The following RPS6KC1 variants were observed in gnomAD, a reference collection of about 807,000 sequenced individuals.
RPS6KC1 encodes the protein ribosomal protein S6 kinase C1, also known as inactive ribosomal protein S6 kinase delta-1.
RPS6KC1 carries 54 observed loss-of-function variants against 103.8 expected under a neutral mutation model. That is an observed-to-expected ratio of 0.52 (90% CI 0.42 to 0.65). The LOEUF is 0.65. Ranked by LOEUF, RPS6KC1 falls within the 30% of genes least tolerant of loss-of-function variation. The pLI, the probability that RPS6KC1 is intolerant of heterozygous loss-of-function variation, is 0.00. For synonymous variants in RPS6KC1, 439 were observed against 438.7 expected (o/e 1.00, Z -0.01); for missense variants, 1,151 against 1,253.8 (o/e 0.92, Z 1.24).
chr1:213,227,740 C>T (rs757491147), intron 8 of RPS6KC1, among the ~76,000 whole-genome samples: 37 of 152,204 alleles, frequency 2.4e-4, no homozygotes, highest in Non-Finnish European at 4.3e-4. Flanking sequence ...GGGCCTTTGC[C>T]ACCTGAGAGC....
chr1:213,781,315 G>T, the RPS6KC1 span, among the ~76,000 whole-genome samples: 1 of 151,912 alleles, frequency 6.6e-6, no homozygotes, highest in African/African-American at 2.4e-5. Context: ...GCCTTCAGAG[G>T]GAGCTCATTT....
At chr1:213,626,148 T>C in the RPS6KC1 span, among the ~76,000 whole-genome samples, 1 of 152,224 alleles carries the variant, frequency 6.6e-6, no homozygotes, top group South Asian at 2.1e-4. Context: ...GGTATCTCAT[T>C]GTGTTTTTGA....
the RPS6KC1 span, among the ~76,000 whole-genome samples, chr1:213,389,943 C>A: frequency 6.6e-6 from 1 of 152,106 alleles, no homozygotes; most frequent in South Asian, 2.1e-4. Context: ...ATGGATGAGG[C>A]ATGGTGGAAA....
At chr1:213,450,521 C>T in the RPS6KC1 span, among the ~76,000 whole-genome samples, 1 of 152,084 alleles carries the variant, frequency 6.6e-6, no homozygotes, top group African/African-American at 2.4e-5. Context: ...GCTTGTCCTC[C>T]TCCTCTCTCC....
chr1:213,210,112 C>G (rs1418130054), intron 8 of RPS6KC1, among the ~76,000 whole-genome samples: 1 of 152,128 alleles, frequency 6.6e-6, no homozygotes, highest in African/African-American at 2.4e-5. Context: ...TTGTACCAAC[C>G]TCCTATCTCA....
chr1:213,180,766 C>T (rs913302432), intron 8 of RPS6KC1, among the ~76,000 whole-genome samples: 5 of 151,626 alleles, frequency 3.3e-5, no homozygotes, highest in Non-Finnish European at 5.9e-5. Flanking sequence ...TTGTGTGGTA[C>T]GAATATACGG....
intron 4 of RPS6KC1, among the ~76,000 whole-genome samples, chr1:213,116,334 T>A (rs1290568941): frequency 6.8e-6 from 1 of 146,372 alleles, no homozygotes; most frequent in Non-Finnish European, 1.5e-5. Flanking sequence ...TTTTGGTCTT[T>A]GTTGGTTTAA....
At chr1:213,392,341 C>T in the RPS6KC1 span, among the ~76,000 whole-genome samples, 1 of 152,120 alleles carries the variant, frequency 6.6e-6, no homozygotes, top group East Asian at 1.9e-4. Context: ...AGCCCGGTCT[C>T]AACTGGTAGA....
At chr1:213,819,807 G>A in the RPS6KC1 span, 1 of 152,142 alleles carries the variant, frequency 6.6e-6, no homozygotes, top group East Asian at 1.9e-4. Context: ...ATTATTATGA[G>A]CTTGAGACCT....
At chr1:213,223,588 A>G (rs2093888766) in intron 8 of RPS6KC1, among the ~76,000 whole-genome samples, 1 of 151,988 alleles carries the variant, frequency 6.6e-6, no homozygotes, top group Non-Finnish European at 1.5e-5. Context: ...TATACACCAC[A>G]TTTTCTTTAT....
At chr1:213,802,843 C>T in the RPS6KC1 span, among the ~76,000 whole-genome samples, 478 of 152,242 alleles carry the variant, frequency 3.1e-3, 4 homozygotes, top group African/African-American at 0.011. Flanking sequence ...TGCAATGTCT[C>T]CAGTTCACAC....
At chr1:213,607,727 A>AC in the RPS6KC1 span, among the ~76,000 whole-genome samples, 17 of 150,998 alleles carry the variant, frequency 1.1e-4, no homozygotes, top group South Asian at 2.1e-4. Flanking sequence ...ACACACACAC[A>AC]AAATAAATAA....
chr1:213,132,911 G>T (rs935287371), intron 6 of RPS6KC1, among the ~76,000 whole-genome samples: 2 of 152,116 alleles, frequency 1.3e-5, no homozygotes, highest in Non-Finnish European at 2.9e-5. Context: ...AGTTTATCTG[G>T]GTTGTTAGTA....
intron 4 of RPS6KC1, among the ~76,000 whole-genome samples, chr1:213,108,989 TG>T (rs1207339826): frequency 6.6e-6 from 1 of 152,130 alleles, no homozygotes; most frequent in Non-Finnish European, 1.5e-5. Context: ...TTCAGTTTGA[TG>T]CTCTCCCAAC....
chr1:213,771,319 G>C, the RPS6KC1 span, among the ~76,000 whole-genome samples: 1 of 152,164 alleles, frequency 6.6e-6, no homozygotes, highest in Admixed American at 6.5e-5. Context: ...GGAAAGAGGG[G>C]AGGGGGTGGT....
the RPS6KC1 span, among the ~76,000 whole-genome samples, chr1:213,771,021 T>C: frequency 6.6e-6 from 1 of 152,210 alleles, no homozygotes; most frequent in Non-Finnish European, 1.5e-5. Flanking sequence ...TTGTCCAGGA[T>C]GTGTATGTCA....
chr1:213,077,767 A>G lies in RPS6KC1; in HGVS notation c.213A>G (p.Leu71=). The change falls in exon 3 of 15, where the codon TTA becomes TTG. Residue 71 remains leucine (L), a synonymous_variant. Transcript: ENST00000366960. The part of the protein sequence containing the change: ...HKELWQIHKN[L]FRHSELFPPF... The stretch of plus-strand genomic sequence containing the variant: ...AACTATGGCAAATTCACAAAAACTT[A>G]TTCCGACATTCAGAGTTGTTTCCTC... The G allele has an allele frequency of 6.4e-7, 1 of 1,567,922 alleles. No individual in the cohort carries two copies. The highest frequency in any genetic ancestry group is 8.7e-7 in the Non-Finnish European group (1 of 1,150,106).
At chr1:213,474,413 A>G in the RPS6KC1 span, among the ~76,000 whole-genome samples, 1 of 152,198 alleles carries the variant, frequency 6.6e-6, no homozygotes, top group Admixed American at 6.5e-5. Flanking sequence ...ACAGGGAAAA[A>G]TCCATTCCTG....
the RPS6KC1 span, among the ~76,000 whole-genome samples, chr1:213,516,884 G>T: frequency 2.5e-4 from 38 of 152,274 alleles, no homozygotes; most frequent in African/African-American, 7.9e-4. Flanking sequence ...GTAAGCTATT[G>T]ATTATTGCCT....
Sources: allele counts gnomAD v4.1 joint callset (sites outside exome capture counted in the v4.1 genomes callset), GRCh38; gene constraint gnomAD v4.1.1; transcripts MANE v1.5; gene names NCBI Gene and HGNC (gene_info 2026-07-23, HGNC 2026-07-21).